LINGO2: variants seen among roughly 807,000 people sequenced by gnomAD.
The protein encoded by LINGO2 is leucine-rich repeat and immunoglobulin-like domain-containing nogo receptor-interacting protein 2.
A neutral mutation model predicts 30.6 loss-of-function variants in LINGO2; 14 were observed. That is an observed-to-expected ratio of 0.46 (90% CI 0.30 to 0.72). LINGO2 has a LOEUF of 0.72. Among genes scored for constraint, LINGO2 ranks in the 30% least tolerant of loss-of-function variants. The pLI is 0.07. For synonymous variants in LINGO2, 317 were observed against 288.5 expected, an observed-to-expected ratio of 1.10 and a Z score of -1.00; for missense variants, 729 against 751.7, an observed-to-expected ratio of 0.97 and a Z score of 0.35.
At chr9:28,904,170 T>TTA in the LINGO2 span, among the ~76,000 whole-genome samples, 3 of 149,526 alleles carry the variant, frequency 2.0e-5, no homozygotes, top group South Asian at 4.2e-4. Context: ...CCTTTTATGA[T>TTA]AAAAAAAAAA....
chr9:28,022,508 C>G (rs1823180153), intron 4 of LINGO2, among the ~76,000 whole-genome samples: 1 of 152,098 alleles, frequency 6.6e-6, no homozygotes, highest in Non-Finnish European at 1.5e-5. Context: ...CATGAAATCC[C>G]TCAGCTTTTG....
chr9:27,957,394 A>C (rs1200644959), intron 5 of LINGO2, among the ~76,000 whole-genome samples: 2 of 152,144 alleles, frequency 1.3e-5, no homozygotes, highest in Non-Finnish European at 2.9e-5. Flanking sequence ...CCCTGGTTCA[A>C]GAGATTCTCC....
At chr9:28,715,283 T>C in the LINGO2 span, among the ~76,000 whole-genome samples, 2 of 152,144 alleles carry the variant, frequency 1.3e-5, no homozygotes, top group African/African-American at 4.8e-5. Context: ...TAAAATGCAA[T>C]ACCTTTATCT....
At chr9:27,941,464 G>A in the LINGO2 span, 1 of 152,096 alleles carries the variant, frequency 6.6e-6, no homozygotes, top group African/African-American at 2.4e-5. Flanking sequence ...GAATAGCAAA[G>A]GGACCTTTTC....
chr9:28,124,763 G>A (rs1429116888), intron 4 of LINGO2, among the ~76,000 whole-genome samples: 1 of 152,084 alleles, frequency 6.6e-6, no homozygotes, highest in Non-Finnish European at 1.5e-5. Context: ...GGGGAGAGAT[G>A]GAATAAATAC....
upstream of LINGO2, among the ~76,000 whole-genome samples, chr9:28,673,113 G>T (rs534538057): frequency 1.3e-5 from 2 of 152,070 alleles, no homozygotes; most frequent in Non-Finnish European, 2.9e-5. Context: ...TTAAAGGGGA[G>T]TTTAAGTAAT....
the LINGO2 span, among the ~76,000 whole-genome samples, chr9:28,836,933 T>C: frequency 6.6e-6 from 1 of 152,232 alleles, no homozygotes; most frequent in Admixed American, 6.5e-5. Context: ...ATCAATTTAC[T>C]AAGTAGTAGC....
intron 3 of LINGO2, among the ~76,000 whole-genome samples, chr9:28,305,694 A>G (rs562458624): frequency 3.9e-5 from 6 of 152,180 alleles, no homozygotes; most frequent in Admixed American, 2.0e-4. Flanking sequence ...GCTATAAAAC[A>G]TTGCTCAGAA....
chr9:28,386,227 C>A (rs910610340), intron 2 of LINGO2, among the ~76,000 whole-genome samples: 1 of 152,170 alleles, frequency 6.6e-6, no homozygotes, highest in African/African-American at 2.4e-5. Context: ...TCCTGTGAAT[C>A]TGGACATGTC....
chr9:28,269,110 C>T (rs1156829260), intron 4 of LINGO2, among the ~76,000 whole-genome samples: 1 of 152,114 alleles, frequency 6.6e-6, no homozygotes, highest in Non-Finnish European at 1.5e-5. Flanking sequence ...CACCTTCTCC[C>T]TTTTTCTAGA....
At chr9:28,996,190 G>C in the LINGO2 span, among the ~76,000 whole-genome samples, 1 of 151,014 alleles carries the variant, frequency 6.6e-6, no homozygotes, top group African/African-American at 2.4e-5. Context: ...ATTATGAACT[G>C]AATGAGATGT....
intron 4 of LINGO2, among the ~76,000 whole-genome samples, chr9:28,277,799 G>C (rs1248470259): frequency 7.0e-6 from 1 of 143,638 alleles, no homozygotes; most frequent in African/African-American, 2.7e-5. Flanking sequence ...TGGGCAATAA[G>C]AGTGAAACTC....
At chr9:28,793,340 T>C in the LINGO2 span, among the ~76,000 whole-genome samples, 1 of 152,232 alleles carries the variant, frequency 6.6e-6, no homozygotes, top group Non-Finnish European at 1.5e-5. Flanking sequence ...GCCTATCATC[T>C]ACTTAAAAAA....
At chr9:28,240,984 AAT>A (rs1283523246) in intron 4 of LINGO2, among the ~76,000 whole-genome samples, 2 of 152,080 alleles carry the variant, frequency 1.3e-5, no homozygotes, top group African/African-American at 4.8e-5. Context: ...CATAAGAAAA[AAT>A]CTGGTCGGGC....
chr9:28,208,343 A>T (rs1820480134), intron 4 of LINGO2, among the ~76,000 whole-genome samples: 1 of 152,056 alleles, frequency 6.6e-6, no homozygotes, highest in South Asian at 2.1e-4. Flanking sequence ...AAATCCTAAG[A>T]CTGTGTTAAA....
chr9:27,943,108 ATTAT>A (rs1482744212), downstream of LINGO2: 1 of 152,130 alleles, frequency 6.6e-6, no homozygotes, highest in East Asian at 1.9e-4. Flanking sequence ...TCTCCTGTTT[ATTAT>A]TTATCTTATA....
chr9:28,333,648 A>C (rs1825496237), intron 3 of LINGO2, among the ~76,000 whole-genome samples: 1 of 152,198 alleles, frequency 6.6e-6, no homozygotes, highest in African/African-American at 2.4e-5. Context: ...GTGCATATTA[A>C]AGCTGTGACG....
chr9:28,632,692 A>C (rs1827015738), intron 1 of LINGO2, among the ~76,000 whole-genome samples: 1 of 138,890 alleles, frequency 7.2e-6, no homozygotes, highest in Non-Finnish European at 1.5e-5. Flanking sequence ...AAATATATTT[A>C]TATAGATCTA....
chr9:28,679,398 C>T, the LINGO2 span, among the ~76,000 whole-genome samples: 1 of 152,044 alleles, frequency 6.6e-6, no homozygotes, highest in Non-Finnish European at 1.5e-5. Flanking sequence ...TAGATGTCAT[C>T]TTATGATGCA....
Sources: allele counts gnomAD v4.1 joint callset (sites outside exome capture counted in the v4.1 genomes callset), GRCh38; gene constraint gnomAD v4.1.1; transcripts MANE v1.5; gene names NCBI Gene and HGNC (gene_info 2026-07-23, HGNC 2026-07-21).